RIMBP2: variants seen among roughly 807,000 people sequenced by gnomAD.
The protein encoded by RIMBP2 is RIMS binding protein 2, also known as RIMS-binding protein 2.
A neutral mutation model predicts 118.6 loss-of-function variants in RIMBP2; 48 were observed. The ratio of observed to expected loss-of-function variants is 0.40; its 90% confidence interval spans 0.32 to 0.51. The LOEUF is 0.51. Ranked by LOEUF, RIMBP2 falls within the 20% of genes least tolerant of loss-of-function variation. The pLI, the probability that RIMBP2 is intolerant of heterozygous loss-of-function variation, is 0.41. For synonymous variants in RIMBP2, 762 were observed against 742.9 expected (o/e 1.03, Z -0.42); for missense variants, 1,551 against 1,768.3 (o/e 0.88, Z 2.20).
chr12:130,688,929 C>T lies in RIMBP2; in HGVS notation c.-352+27293G>A, dbSNP rs2065189899. 6.6e-6 allele frequency among the ~76,000 whole-genome samples: 1 copy of T among 152,258 alleles called. No homozygotes were observed. The highest frequency in any genetic ancestry group is 2.4e-5 in the African/African-American group (1 of 41,470). On this transcript the variant is annotated intron_variant, in intron 1 of 22. Coordinates refer to ENST00000690449, the MANE Select transcript of RIMBP2 (RefSeq NM_001393629.1). This position sits in a 1 kb window ranked among gnomAD's most constrained non-coding sequence, Gnocchi z 4.7. ...TGCCCAGCAGAACTGGAGCGAAGGT[C>T]GGTCGCAGGCAGCAGAGAACTGCCC...
At chr12:130,483,212 G>A in intron 4 of RIMBP2, among the ~76,000 whole-genome samples, 1 of 137,774 alleles carries the variant, frequency 7.3e-6, no homozygotes, top group African/African-American at 2.7e-5. Flanking sequence ...TGCAGGGGAG[G>A]GGGCAGACCT....
Position 130,412,719 on chromosome 12 carries a change from A to G in RIMBP2, c.3489T>C (p.Pro1163=), listed in dbSNP as rs199677632. The change falls in exon 19 of 23, where the codon CCT becomes CCC. Residue 1163 remains proline, a synonymous_variant. Transcript: ENST00000690449. The part of the protein sequence containing the change: ...GETCARLGLI[P]CNMVSEIQAD... ...CTTGTATCTCAGAGACCATGTTACA[A>G]GGAATAAGGCCAAGCCGGGCACAGG... 39 of 1,613,880 alleles carry G rather than the reference A, an allele frequency of 2.4e-5. No individual in the cohort carries two copies. In the Admixed American group the frequency reaches 3.8e-4, roughly 16 times the overall value.
At chr12:130,637,249 T>C (rs2062393633) in intron 1 of RIMBP2, among the ~76,000 whole-genome samples, 1 of 152,216 alleles carries the variant, frequency 6.6e-6, no homozygotes, top group African/African-American at 2.4e-5. Context: ...CCCATCACCA[T>C]TTAAAATGCT....
intron 1 of RIMBP2, among the ~76,000 whole-genome samples, chr12:130,664,465 A>ACACACATG (rs74195662): frequency 1.1e-4 from 14 of 122,710 alleles, no homozygotes; most frequent in African/African-American, 2.0e-4. Context: ...ATGCACGCAC[A>ACACACATG]CACACGCACG....
chr12:130,714,415 T>G (rs1396446200), intron 1 of RIMBP2, among the ~76,000 whole-genome samples: 20 of 152,138 alleles, frequency 1.3e-4, no homozygotes, highest in Admixed American at 1.2e-3. Context: ...CTGCCGGGCT[T>G]GCAGCATGGG....
intron 2 of RIMBP2, among the ~76,000 whole-genome samples, chr12:130,584,384 C>T (rs2058715798): frequency 6.8e-6 from 1 of 148,056 alleles, no homozygotes; most frequent in Non-Finnish European, 1.5e-5. Flanking sequence ...ACCACCATCA[C>T]CACCATCACC....
intron 2 of RIMBP2, among the ~76,000 whole-genome samples, chr12:130,532,561 G>A (rs1051195209): frequency 2.8e-5 from 4 of 143,968 alleles, no homozygotes; most frequent in Non-Finnish European, 3.0e-5. Flanking sequence ...TAGGAGTTAC[G>A]TCTAATGAGA....
chr12:130,441,445 A>AT (rs1355061306), intron 11 of RIMBP2, among the ~76,000 whole-genome samples: 75 of 142,288 alleles, frequency 5.3e-4, no homozygotes, highest in African/African-American at 1.9e-3. Flanking sequence ...AATAATAATA[A>AT]TAATTTACAA....
intron 1 of RIMBP2, among the ~76,000 whole-genome samples, chr12:130,640,199 C>T (rs551399164): frequency 3.3e-5 from 5 of 152,222 alleles, no homozygotes; most frequent in Non-Finnish European, 5.9e-5. Flanking sequence ...AAGGAAACAG[C>T]TCAGAGAACA....
intron 4 of RIMBP2, among the ~76,000 whole-genome samples, chr12:130,501,138 A>G (rs1305627470): frequency 1.3e-5 from 2 of 151,258 alleles, no homozygotes; most frequent in Admixed American, 6.6e-5. Context: ...TGCCTCTCAC[A>G]CTCCACGTCC....
intron 1 of RIMBP2, among the ~76,000 whole-genome samples, chr12:130,678,453 G>A (rs1250825839): frequency 6.6e-6 from 1 of 152,190 alleles, no homozygotes; most frequent in East Asian, 1.9e-4. Flanking sequence ...CAGCGTGGGT[G>A]CACCTTGGAA....
chr12:130,714,967 G>C (rs1455395583), intron 1 of RIMBP2, among the ~76,000 whole-genome samples: 1 of 152,136 alleles, frequency 6.6e-6, no homozygotes, highest in East Asian at 1.9e-4. Context: ...TTAGAAACCG[G>C]GTGAGTGAGC....
intron 4 of RIMBP2, among the ~76,000 whole-genome samples, chr12:130,503,882 C>G (rs1043660962): frequency 1.3e-5 from 2 of 152,160 alleles, no homozygotes; most frequent in African/African-American, 2.4e-5. Context: ...CTTCATATCA[C>G]TTCATTATAT....
chr12:130,646,407 C>CAT (rs2062963110), intron 1 of RIMBP2, among the ~76,000 whole-genome samples: 1 of 88,164 alleles, frequency 1.1e-5, no homozygotes. Flanking sequence ...ACCTGCCTCT[C>CAT]CACCTCCCTC....
rs1166798343 is a variant in RIMBP2 at position 130,441,854 on chromosome 12, G to A, written c.1498C>T (p.Pro500Ser). The A allele has an allele frequency of 6.2e-7, 1 of 1,613,120 alleles. No individual in the cohort carries two copies. The highest frequency in any genetic ancestry group is 1.3e-5 in the African/African-American group (1 of 74,914). ...GGAAGGACACAGGGCTCACCTGCAG[G>A]CAACGTGGAGAACTCCACAAAGGCC... Reference protein sequence around the residue: ...KEAFVEFSTLPAGPPAPPQDV... With the variant: ...KEAFVEFSTLSAGPPAPPQDV... The change falls in exon 11 of 23, where the codon CCT becomes TCT. Residue 500 changes from proline (P) to serine (S), a missense_variant. This residue lies in a region of RIMBP2 where 1,038 missense variants were observed against 1,125.1 expected (regional missense o/e 0.92). Coordinates refer to ENST00000690449, the MANE Select transcript of RIMBP2 (RefSeq NM_001393629.1).
intron 17 of RIMBP2, among the ~76,000 whole-genome samples, chr12:130,421,689 A>ATGTGTGTGTGTGTGTGTGTG (rs1336875443): frequency 1.0e-3 from 107 of 106,992 alleles, no homozygotes; most frequent in Middle Eastern, 4.3e-3. Context: ...CCCTGCATTT[A>ATGTGTGTGTGTGTGTGTGTG]TATGTGTGTG....
Position 130,424,924 on chromosome 12 carries a change from A to C in RIMBP2, c.2413-66T>G. On this transcript the variant is annotated intron_variant, in intron 15 of 22. Coordinates refer to ENST00000690449, the MANE Select transcript of RIMBP2 (RefSeq NM_001393629.1). This position sits in a 1 kb window ranked among gnomAD's most constrained non-coding sequence, Gnocchi z 9.8. ...GTGTGGTCAGCATGAAGTGGGGGCC[A>C]GGGGAGGAAAGAAAATACAGACAGA... is the stretch of plus-strand genomic sequence containing the variant. The C allele has an allele frequency of 8.3e-6, 8 of 965,226 alleles. No homozygotes were observed. Among genetic ancestry groups the C allele is most frequent in the Non-Finnish European group, 1.1e-5 (8 of 745,046 alleles). The allele number at this position is 965,226 out of a possible 1,614,324, so 59.8% of individuals were successfully genotyped here. A position where few individuals can be genotyped will look rare whatever the true frequency, so the allele number is the denominator to read the frequency against.
In RIMBP2 at chr12:130,621,708, C is replaced by T. The variant is rs141112189; in HGVS notation, c.-217+6614G>A. Among the ~76,000 whole-genome samples the T allele has an allele frequency of 1.1e-4, 16 of 152,276 alleles. No individual in the cohort carries two copies. The highest frequency in any genetic ancestry group is 4.1e-4 in the South Asian group (2 of 4,822). ...CAGGGCCCGAGTTTACCAAGAGACA[C>T]GAGTGAAATGGATGATACCGAGACC... On this transcript the variant is annotated intron_variant, in intron 2 of 22. Transcript: ENST00000690449. The surrounding 1 kb of genome is among the most constrained non-coding windows in gnomAD (Gnocchi z 6.6).
intron 4 of RIMBP2, among the ~76,000 whole-genome samples, chr12:130,490,668 A>T (rs2048555839): frequency 6.6e-6 from 1 of 152,222 alleles, no homozygotes; most frequent in Admixed American, 6.5e-5. Context: ...ACATCTTAAG[A>T]TAAAAGTCAC....
Sources: gnomAD v4.1 joint callset for allele counts (sites outside exome capture counted in the v4.1 genomes callset) on GRCh38, gnomAD v4.1.1 for gene constraint, gnomAD v4.1.1 regional missense constraint, Gnocchi (gnomAD v3.1) non-coding constraint, MANE v1.5 for transcripts, NCBI Gene and HGNC (gene_info 2026-07-23, HGNC 2026-07-21) for gene names.